HTR2C: variants seen among roughly 807,000 people sequenced by gnomAD.
The protein encoded by HTR2C is 5-hydroxytryptamine (serotonin) receptor 2C, G protein-coupled.
In HTR2C, 5 loss-of-function variants were observed where a neutral mutation model predicts 21.0. The ratio of observed to expected loss-of-function variants is 0.24; its 90% CI spans 0.12 to 0.50. The LOEUF is 0.50. HTR2C is among the 20% of genes least tolerant of loss of function. The probability of loss-of-function intolerance (pLI) is 0.98; values close to 1 mark genes in which losing one functional copy is unlikely to be tolerated. For synonymous variants in HTR2C, 150 were observed against 145.3 expected (o/e 1.03, Z -0.23); for missense variants, 271 against 371.2 (o/e 0.73, Z 2.22).
chrX:114,748,775 A>G (rs2069729524), intron 4 of HTR2C, among the ~76,000 whole-genome samples: 1 of 112,043 alleles, frequency 8.9e-6, no homozygotes, highest in African/African-American at 3.2e-5. Context: ...CAAAACTACT[A>G]AACTTCTGGA....
chrX:114,687,203 A>C (rs1931947751), intron 2 of HTR2C, among the ~76,000 whole-genome samples: 1 of 112,667 alleles, frequency 8.9e-6, no homozygotes, highest in African/African-American at 3.2e-5. Flanking sequence ...CATGTGTAGC[A>C]AGATACGAAG....
At chrX:114,688,037 A>G (rs1556414513) in intron 2 of HTR2C, among the ~76,000 whole-genome samples, 1 of 111,384 alleles carries the variant, frequency 9.0e-6, no homozygotes, top group African/African-American at 3.3e-5. Context: ...ATTGACATTC[A>G]CGGCCGAGCA....
chrX:114,806,244 C>A (rs1465980088), intron 4 of HTR2C, among the ~76,000 whole-genome samples: 3 of 96,454 alleles, frequency 3.1e-5, no homozygotes, highest in Non-Finnish European at 6.1e-5. Context: ...CATATATATA[C>A]CATATATATA....
At chrX:114,749,465 A>G (rs1177955357) in intron 4 of HTR2C, among the ~76,000 whole-genome samples, 1 of 106,102 alleles carries the variant, frequency 9.4e-6, no homozygotes, top group African/African-American at 3.4e-5. Flanking sequence ...AAAAAAAAAA[A>G]AAAAAAAAAA....
chrX:114,604,564 T>G lies in HTR2C; in HGVS notation c.-146-9251T>G, dbSNP rs1186458296. ...CGAGGCGATCGGGCAGTGTCAGTCT[T>G]CAGCCGCTAATCCGAGAAGATCTGG... On this transcript the variant is annotated intron_variant, in intron 1 of 5. Coordinates refer to ENST00000276198, the MANE Select transcript of HTR2C (RefSeq NM_000868.4). Among the ~76,000 whole-genome samples, 4 of 110,695 alleles carry G rather than the reference T, an allele frequency of 3.6e-5. No individual in the cohort carries two copies. The Admixed American group carries it at 3.8e-4, about 11-fold the overall frequency.
intron 1 of HTR2C, among the ~76,000 whole-genome samples, chrX:114,607,630 T>C (rs782547459): frequency 1.5e-4 from 17 of 111,658 alleles, no homozygotes; most frequent in Non-Finnish European, 2.6e-4. Flanking sequence ...CACCCTTCCA[T>C]ATCACTATAA....
At chrX:114,604,675 TG>T (rs782120469) in intron 1 of HTR2C, among the ~76,000 whole-genome samples, 1 of 110,858 alleles carries the variant, frequency 9.0e-6, no homozygotes, top group East Asian at 2.9e-4. Flanking sequence ...CGATTTTCAG[TG>T]GGGTCCCACA....
At chrX:114,865,075 C>T (rs1438428182) in intron 5 of HTR2C, among the ~76,000 whole-genome samples, 3 of 110,032 alleles carry the variant, frequency 2.7e-5, no homozygotes, top group Non-Finnish European at 5.7e-5. Flanking sequence ...TGTAATACTC[C>T]CCTCCCTAAT....
In HTR2C at chrX:114,609,441, G is replaced by A. The variant is rs782103823; in HGVS notation, c.-146-4374G>A. Among the ~76,000 whole-genome samples, 10 of 111,557 alleles carry A rather than the reference G, an allele frequency of 9.0e-5. No individual in the cohort carries two copies. The South Asian group carries it at 1.5e-3, about 17-fold the overall frequency. ...ATCTGCATTGTGCTAAATGTGAAGT[G>A]ATGGGCGATGCACCATTTTGTATTT... On this transcript the variant is annotated intron_variant, in intron 1 of 5. Transcript: ENST00000276198.
intron 4 of HTR2C, among the ~76,000 whole-genome samples, chrX:114,810,031 G>C (rs782061243): frequency 8.9e-6 from 1 of 111,906 alleles, no homozygotes; most frequent in Non-Finnish European, 1.9e-5. Context: ...CTTCAAGGCA[G>C]TGGGTTCTCT....
At chrX:114,735,843 G>T (rs908195219) in intron 4 of HTR2C, among the ~76,000 whole-genome samples, 2 of 111,677 alleles carry the variant, frequency 1.8e-5, no homozygotes, top group Non-Finnish European at 3.8e-5. Context: ...GGCTGGGCGT[G>T]GTGGCTCACG....
chrX:114,702,031 A>G (rs781957495), intron 2 of HTR2C, among the ~76,000 whole-genome samples: 2 of 108,546 alleles, frequency 1.8e-5, no homozygotes, highest in African/African-American at 6.7e-5. Context: ...AGAGAAACGA[A>G]CAAAGCCTCC....
intron 4 of HTR2C, chrX:114,775,123 A>C: frequency 1.9e-6 from 1 of 518,812 alleles, no homozygotes; most frequent in Non-Finnish European, 3.5e-6. Flanking sequence ...TGTTGCTTTC[A>C]TGTGGAATGC....
At chrX:114,858,924 A>C (rs144760103) in intron 5 of HTR2C, among the ~76,000 whole-genome samples, 28 of 110,371 alleles carry the variant, frequency 2.5e-4, no homozygotes, top group Middle Eastern at 4.7e-3. Context: ...ATCCACTGAG[A>C]TGATTATAGG....
At chrX:114,607,777 A>C (rs1928527731) in intron 1 of HTR2C, among the ~76,000 whole-genome samples, 1 of 111,236 alleles carries the variant, frequency 9.0e-6, no homozygotes, top group Non-Finnish European at 1.9e-5. Context: ...GGATCACCTG[A>C]GATCAGGAGT....
chrX:114,586,040 C>CA (rs1327199815), intron 1 of HTR2C, among the ~76,000 whole-genome samples: 32 of 111,410 alleles, frequency 2.9e-4, no homozygotes, highest in African/African-American at 1.0e-3. Flanking sequence ...TTAAATTTTT[C>CA]ATGAAGAAGT....
At chrX:114,642,220 C>G (rs1556406621) in intron 2 of HTR2C, among the ~76,000 whole-genome samples, 1 of 111,969 alleles carries the variant, frequency 8.9e-6, no homozygotes, top group Non-Finnish European at 1.9e-5. Flanking sequence ...AAGCATGTAT[C>G]TTGATAACAG....
chrX:114,899,845 G>T (rs1414819190), intron 5 of HTR2C, among the ~76,000 whole-genome samples: 1 of 110,707 alleles, frequency 9.0e-6, no homozygotes, highest in Non-Finnish European at 1.9e-5. Flanking sequence ...TTCTTTTAAT[G>T]AAGTTCTGTT....
At chrX:114,747,494 C>T (rs1569490693) in intron 4 of HTR2C, among the ~76,000 whole-genome samples, 3 of 112,249 alleles carry the variant, frequency 2.7e-5, no homozygotes, top group African/African-American at 9.7e-5. Context: ...AAGGGATCTA[C>T]AAAGACGCTC....
Sources: gnomAD v4.1 joint callset for allele counts (sites outside exome capture counted in the v4.1 genomes callset) on GRCh38, gnomAD v4.1.1 for gene constraint, MANE v1.5 for transcripts, NCBI Gene and HGNC (gene_info 2026-07-23, HGNC 2026-07-21) for gene names.